FHIT: variants seen among roughly 807,000 people sequenced by gnomAD.
FHIT encodes the protein fragile histidine triad diadenosine triphosphatase, also known as bis(5'-adenosyl)-triphosphatase.
In FHIT, 19 loss-of-function variants were observed where a neutral mutation model predicts 17.9. The ratio of observed to expected loss-of-function variants is 1.06; its 90% CI spans 0.74 to 1.56. The LOEUF (loss-of-function observed/expected upper bound fraction) is 1.56. Ranked by LOEUF, FHIT falls within the 40% of genes most tolerant of loss-of-function variation. FHIT has a pLI of 0.00. For synonymous variants in FHIT, 81 were observed against 69.7 expected (o/e 1.16, Z -0.81); for missense variants, 248 against 189.2 (o/e 1.31, Z -1.82).
intron 4 of FHIT, among the ~76,000 whole-genome samples, chr3:60,658,556 G>A (rs1273961606): frequency 6.6e-6 from 1 of 151,936 alleles, no homozygotes; most frequent in African/African-American, 2.4e-5. Flanking sequence ...CAAAAACATT[G>A]CTCCTCTACT....
rs546211079 is a variant in FHIT, at chr3:61,246,376, G to C, written c.-213+4925C>G. ...GGTCTGGATCAAGACCCCTTTCTGG[G>C]AACAAGAACACTTAAAGTCTACACT... On this transcript the variant is annotated intron_variant, in intron 1 of 9. Transcript: ENST00000492590. 2.0e-5 allele frequency among the ~76,000 whole-genome samples: 3 copies of C among 151,940 alleles called. No homozygotes were observed. The East Asian group carries it at 5.8e-4, about 30-fold the overall frequency.
intron 5 of FHIT, among the ~76,000 whole-genome samples, chr3:60,158,387 C>G (rs969766046): frequency 1.1e-4 from 17 of 152,026 alleles, no homozygotes; most frequent in African/African-American, 4.1e-4. Flanking sequence ...TCTCTGTGCA[C>G]TGCAACCTCC....
chr3:60,898,770 T>C (rs2107212536), intron 3 of FHIT, among the ~76,000 whole-genome samples: 1 of 152,292 alleles, frequency 6.6e-6, no homozygotes, highest in African/African-American at 2.4e-5. Context: ...TTCACATTCT[T>C]CAGGAGCCCG....
chr3:60,897,484 A>G (rs1705887788), intron 3 of FHIT, among the ~76,000 whole-genome samples: 1 of 152,188 alleles, frequency 6.6e-6, no homozygotes, highest in Non-Finnish European at 1.5e-5. Context: ...TTAATTTCTA[A>G]CTTTACACAA....
chr3:59,768,229 A>G (rs1344641547), intron 8 of FHIT, among the ~76,000 whole-genome samples: 1 of 152,194 alleles, frequency 6.6e-6, no homozygotes, highest in Non-Finnish European at 1.5e-5. Flanking sequence ...GTCCAGTGCA[A>G]TTTCGACTCC....
rs544821706 is a variant in FHIT, at chr3:60,157,049, T to C, written c.104-142897A>G. On this transcript the variant is annotated intron_variant, in intron 5 of 9. Coordinates refer to ENST00000492590, the MANE Select transcript of FHIT (RefSeq NM_002012.4). ...AAAATAAATATGGATTTATACATTT[T>C]TGATTAATAAATCAATACTCATTTA... is the stretch of plus-strand genomic sequence containing the variant. 2.0e-5 allele frequency among the ~76,000 whole-genome samples: 3 copies of C among 152,260 alleles called. No individual in the cohort carries two copies. The East Asian group carries it at 5.8e-4, about 29-fold the overall frequency.
Position 61,100,768 on chromosome 3 carries a change from C to T in FHIT, c.-163-58669G>A, listed in dbSNP as rs149650463. ...ATTGCCATTCTAACTGGCATAAGAT[C>T]GTATCTCATCGTGGTTTTGATTTGC... On this transcript the variant is annotated intron_variant, in intron 2 of 9. Transcript: ENST00000492590. Among the ~76,000 whole-genome samples, 1,368 of 152,234 alleles carry T rather than the reference C, an allele frequency of 9.0e-3. 19 individuals carry two copies. Among genetic ancestry groups the T allele is most frequent in the African/African-American group, 0.031 (1,294 of 41,536 alleles).
chr3:61,102,545 G>C (rs574641943), intron 2 of FHIT, among the ~76,000 whole-genome samples: 1 of 152,256 alleles, frequency 6.6e-6, no homozygotes, highest in East Asian at 1.9e-4. Flanking sequence ...CCAGGCTTTG[G>C]TATCAGGATG....
intron 5 of FHIT, among the ~76,000 whole-genome samples, chr3:60,104,387 T>A (rs1704319982): frequency 6.6e-6 from 1 of 151,984 alleles, no homozygotes; most frequent in Non-Finnish European, 1.5e-5. Flanking sequence ...ATGACCCAAA[T>A]CATTCCAAAC....
intron 3 of FHIT, among the ~76,000 whole-genome samples, chr3:60,919,945 A>G (rs1707193787): frequency 6.6e-6 from 1 of 151,866 alleles, no homozygotes; most frequent in East Asian, 1.9e-4. Context: ...GAGGGAGGAG[A>G]GTCGCTTGAA....
chr3:61,142,883 C>A (rs967112996), intron 2 of FHIT, among the ~76,000 whole-genome samples: 5 of 152,068 alleles, frequency 3.3e-5, no homozygotes, highest in African/African-American at 1.2e-4. Context: ...TATTAACCTA[C>A]AAAATCCTTT....
chr3:60,310,200 C>T (rs372069095), intron 5 of FHIT, among the ~76,000 whole-genome samples: 2 of 152,260 alleles, frequency 1.3e-5, no homozygotes, highest in East Asian at 1.9e-4. Context: ...CCACAGAGCC[C>T]ATGACCTGTT....
At position 60,120,437 on chromosome 3, in the gene FHIT, G is replaced by C. The variant is rs1310446857; in HGVS notation, c.104-106285C>G. On this transcript the variant is annotated intron_variant, in intron 5 of 9. Transcript: ENST00000492590. ...CAGGGCACCTGCATATTTTTATTAG[G>C]TTTCACCATGGAAGGCATAATTTTA... Among the ~76,000 whole-genome samples, 4 of 152,184 alleles carry C rather than the reference G, an allele frequency of 2.6e-5. No individual in the cohort carries two copies. The East Asian group carries it at 5.8e-4, about 22-fold the overall frequency.
chr3:60,394,965 A>T (rs2687179), intron 5 of FHIT, among the ~76,000 whole-genome samples: 148,230 of 152,306 alleles, frequency 0.97, 72,266 homozygotes, highest in East Asian at 1. Context: ...AAAGAGCTAT[A>T]CAGAAGTATT....
At chr3:59,824,737 A>C (rs1417906374) in intron 8 of FHIT, among the ~76,000 whole-genome samples, 4 of 152,220 alleles carry the variant, frequency 2.6e-5, no homozygotes, top group East Asian at 3.8e-4. Flanking sequence ...TCAATATTAC[A>C]AAGATTCAGT....
chr3:60,108,454 C>T (rs1163903495), intron 5 of FHIT, among the ~76,000 whole-genome samples: 1 of 152,124 alleles, frequency 6.6e-6, no homozygotes, highest in East Asian at 1.9e-4. Context: ...TATTTCATGC[C>T]TATCTAGTAC....
chr3:61,107,978 C>T (rs570025818), intron 2 of FHIT, among the ~76,000 whole-genome samples: 2 of 152,242 alleles, frequency 1.3e-5, no homozygotes, highest in South Asian at 4.1e-4. Context: ...TTATAGTTCA[C>T]GATGTACGGA....
intron 5 of FHIT, among the ~76,000 whole-genome samples, chr3:60,195,350 G>C (rs560525545): frequency 6.6e-6 from 1 of 151,676 alleles, no homozygotes; most frequent in Admixed American, 6.6e-5. Context: ...ATAATATCGT[G>C]ATTTCTCAAA....
chr3:60,273,619 A>G (rs1289020993), intron 5 of FHIT, among the ~76,000 whole-genome samples: 1 of 152,184 alleles, frequency 6.6e-6, no homozygotes, highest in African/African-American at 2.4e-5. Context: ...CTCAAAAAAA[A>G]GAAAAAAGCC....
Sources: gnomAD v4.1 joint callset for allele counts (sites outside exome capture counted in the v4.1 genomes callset) on GRCh38, gnomAD v4.1.1 for gene constraint, MANE v1.5 for transcripts, NCBI Gene and HGNC (gene_info 2026-07-23, HGNC 2026-07-21) for gene names.